CDCA8: variants seen among roughly 807,000 people sequenced by gnomAD.
CDCA8 encodes the protein cell division cycle associated 8.
A neutral mutation model predicts 40.0 loss-of-function variants in CDCA8; 25 were observed. The ratio of observed to expected loss-of-function variants is 0.63; its 90% CI spans 0.46 to 0.87. The LOEUF (loss-of-function observed/expected upper bound fraction) is 0.87. CDCA8 is among the 40% of genes least tolerant of loss of function. CDCA8 has a pLI of 0.00. For synonymous variants in CDCA8, 111 were observed against 126.5 expected, an observed-to-expected ratio of 0.88 and a Z score of 0.82; for missense variants, 280 against 348.4, an observed-to-expected ratio of 0.80 and a Z score of 1.56.
chr1:37,705,789 TTTTG>T (rs1234057062), intron 8 of CDCA8, among the ~76,000 whole-genome samples: 9 of 150,174 alleles, frequency 6.0e-5, no homozygotes, highest in Admixed American at 4.0e-4. Context: ...TGTTTTTTGG[TTTTG>T]TTTTTGTTTT....
rs751835840 is a variant in CDCA8 at position 37,705,447 on chromosome 1, C to G, written c.591C>G (p.Phe197Leu). 10 of 1,613,884 alleles carry G rather than the reference C, an allele frequency of 6.2e-6. No homozygotes were observed. The highest frequency in any genetic ancestry group is 6.8e-6 in the Non-Finnish European group (8 of 1,179,814). ...GLTPRFDSRV[F>L]KTPGLRTPAA... The stretch of plus-strand genomic sequence containing the variant: ...AGAGATTTTCCCATTCTAGGGTCTT[C>G]AAGACCCCTGGCCTGCGTACTCCAG... Residue 197 changes from phenylalanine (F) to leucine (L), a missense_variant, in exon 8 of 10, where the codon TTC becomes TTG. Coordinates refer to ENST00000373055, the MANE Select transcript of CDCA8 (RefSeq NM_001256875.2).
Position 37,698,931 on chromosome 1 carries a change from C to CA in CDCA8, c.294dup (p.Leu99ThrfsTer23). 1 of 1,613,804 alleles carries CA rather than the reference C, an allele frequency of 6.2e-7. No individual in the cohort carries two copies. The highest frequency in any genetic ancestry group is 8.5e-7 in the Non-Finnish European group (1 of 1,179,704). On this transcript the variant is annotated frameshift_variant, in exon 4 of 10. Transcript: ENST00000373055. LOFTEE classifies it high-confidence loss of function. ...CTGACCTGGATATCACCGAAATAAA[C>CA]AAACTAACAGCAGAAGCTATTCAGA...
chr1:37,702,364 A>G (rs1645571284), intron 6 of CDCA8, among the ~76,000 whole-genome samples: 1 of 151,810 alleles, frequency 6.6e-6, no homozygotes, highest in African/African-American at 2.4e-5. Flanking sequence ...CCATATGTAG[A>G]GCTACCCCAT....
chr1:37,704,636 CTTTTTTTTTT>C (rs145718694), intron 7 of CDCA8, among the ~76,000 whole-genome samples: 5 of 86,456 alleles, frequency 5.8e-5, no homozygotes, highest in Non-Finnish European at 8.5e-5. Flanking sequence ...TTAATTGCCA[CTTTTTTTTTT>C]TTTTTTTTTT....
rs867360547 is a variant in CDCA8 at position 37,707,191 on chromosome 1, C to T, written c.798+127C>T. Reference sequence around the variant, plus strand: ...TTAAATTTGTGTTGTCTTCCTTCCCCCAAGAGATTTTGACTCTTACCCTAC... The same window carrying T: ...TTAAATTTGTGTTGTCTTCCTTCCCTCAAGAGATTTTGACTCTTACCCTAC... On this transcript the variant is annotated intron_variant, in intron 9 of 9. Transcript: ENST00000373055. 1.9e-5 allele frequency: 13 copies of T among 680,262 alleles called. No individual in the cohort carries two copies. In the Middle Eastern group the frequency reaches 1.6e-3, roughly 83 times the overall value. 42.1% of individuals were successfully genotyped at this position (680,262 alleles called of 1,614,324 possible). A position where few individuals can be genotyped will look rare whatever the true frequency, so the allele number is the denominator to read the frequency against.
intron 7 of CDCA8, among the ~76,000 whole-genome samples, chr1:37,704,155 G>A (rs944325805): frequency 2.0e-5 from 3 of 151,826 alleles, no homozygotes; most frequent in African/African-American, 7.3e-5. Flanking sequence ...GGCTGGTCTC[G>A]AACTCCTGAG....
At chr1:37,708,193 A>G in intron 9 of CDCA8, 129 bp from the exon 10 acceptor site, 1 of 768,552 alleles carries the variant, frequency 1.3e-6, no homozygotes, top group South Asian at 1.5e-5. Context: ...GATGAGAAAC[A>G]GGTTCAGAAA....
intron 3 of CDCA8, among the ~76,000 whole-genome samples, chr1:37,697,094 C>T (rs1471528273): frequency 6.6e-6 from 1 of 152,158 alleles, no homozygotes; most frequent in Non-Finnish European, 1.5e-5. Flanking sequence ...GTTACCACAC[C>T]AAGTTGAGAG....
rs1645472619 is a variant in CDCA8, at chr1:37,692,574, C to A, written c.-117C>A. 2 of 783,186 alleles carry A rather than the reference C, an allele frequency of 2.6e-6. No individual in the cohort carries two copies. The highest frequency in any genetic ancestry group is 1.5e-5 in the South Asian group (1 of 66,336). 48.5% of individuals were successfully genotyped at this position (783,186 alleles called of 1,614,324 possible). On this transcript the variant is annotated 5_prime_UTR_variant, in exon 1 of 10. Transcript: ENST00000373055. ...TTTTGCTCAGCCCTTGTCTCGGGAC[C>A]GCAGGTACGTGCCTGGCGACTTCTT...
chr1:37,697,699 T>C (rs1167699760), intron 3 of CDCA8, among the ~76,000 whole-genome samples: 1 of 152,248 alleles, frequency 6.6e-6, no homozygotes, highest in East Asian at 1.9e-4. Context: ...CTGTTAACTG[T>C]CCTGCACAGT....
At chr1:37,695,237 A>G (rs1245811362) in intron 2 of CDCA8, among the ~76,000 whole-genome samples, 2 of 151,890 alleles carry the variant, frequency 1.3e-5, no homozygotes, top group Non-Finnish European at 2.9e-5. Flanking sequence ...AAAAATAAGC[A>G]GAGGGCAGGG....
At position 37,703,491 on chromosome 1, in the gene CDCA8, G is replaced by A. The variant is rs183423481; in HGVS notation, c.584+144G>A. 2.9e-3 allele frequency: 1,938 copies of A among 669,880 alleles called. 24 individuals are homozygous for A. The African/African-American group carries it at 0.03, about 10-fold the overall frequency. The allele number at this position is 669,880 out of a possible 1,614,324, so 41.5% of individuals were successfully genotyped here. A position where few individuals can be genotyped will look rare whatever the true frequency, so the allele number is the denominator to read the frequency against. On this transcript the variant is annotated intron_variant, in intron 7 of 9. Coordinates refer to ENST00000373055, the MANE Select transcript of CDCA8 (RefSeq NM_001256875.2). The stretch of plus-strand genomic sequence containing the variant: ...AGCACTTTGAGAGGCCGAGGCAGGC[G>A]GATCACTTGAGGTCAGGAGTTCAAG...
At chr1:37,697,722 G>T (rs745923814) in intron 3 of CDCA8, among the ~76,000 whole-genome samples, 4 of 152,228 alleles carry the variant, frequency 2.6e-5, no homozygotes, top group Non-Finnish European at 4.4e-5. Context: ...ATGCCCAGTG[G>T]CCTGCCACCA....
At position 37,698,931 on chromosome 1, in the gene CDCA8, C is replaced by A; in HGVS notation, c.291C>A (p.Asn97Lys). The A allele has an allele frequency of 6.2e-7, 1 of 1,613,804 alleles. No homozygotes were observed. Among genetic ancestry groups the A allele is most frequent in the Non-Finnish European group, 8.5e-7 (1 of 1,179,704 alleles). ...CTGACCTGGATATCACCGAAATAAACAAACTAACAGCAGAAGCTATTCAGA... is the reference window on the plus strand; with the variant it reads ...CTGACCTGGATATCACCGAAATAAAAAAACTAACAGCAGAAGCTATTCAGA... ...ATADLDITEI[N>K]KLTAEAIQTP... is the part of the protein sequence containing the mutation. The change falls in exon 4 of 10, where the codon AAC (asparagine) becomes AAA (lysine). Residue 97 changes from asparagine to lysine, a missense_variant. Transcript: ENST00000373055.
chr1:37,695,815 C>A, intron 2 of CDCA8, 95 bp from the exon 3 acceptor site: 1 of 1,104,302 alleles, frequency 9.1e-7, no homozygotes, highest in Non-Finnish European at 1.3e-6. Context: ...AAGGTTAGAC[C>A]AAGGGCTGGA....
At chr1:37,701,855 T>C (rs1238452306) in intron 6 of CDCA8, 37 bp downstream of exon 6, 2 of 1,494,138 alleles carry the variant, frequency 1.3e-6, no homozygotes, top group Non-Finnish European at 1.9e-6. Flanking sequence ...TTTTGGGTTT[T>C]ATTGGAGAGC....
chr1:37,694,962 C>A (rs550729925), intron 2 of CDCA8, among the ~76,000 whole-genome samples: 1 of 152,280 alleles, frequency 6.6e-6, no homozygotes, highest in East Asian at 1.9e-4. Flanking sequence ...GGAATTCAGT[C>A]CAAGGCAGGG....
Position 37,707,162 on chromosome 1 carries a change from C to CT in CDCA8, c.798+99dup. 3.5e-6 allele frequency: 3 copies of CT among 853,090 alleles called. No individual in the cohort carries two copies. In the South Asian group the frequency reaches 4.7e-5, roughly 13 times the overall value. 52.8% of individuals were successfully genotyped at this position (853,090 alleles called of 1,614,324 possible). A position where few individuals can be genotyped will look rare whatever the true frequency, so the allele number is the denominator to read the frequency against. ...TCTTTTGGGCCTGGGCTAATACTTTCTACTTAAATTTGTGTTGTCTTCCTT... is the reference window on the plus strand; with the variant it reads ...TCTTTTGGGCCTGGGCTAATACTTTCTTACTTAAATTTGTGTTGTCTTCCTT... On this transcript the variant is annotated intron_variant, in intron 9 of 9. Coordinates refer to ENST00000373055, the MANE Select transcript of CDCA8 (RefSeq NM_001256875.2).
chr1:37,705,590 C>G, intron 8 of CDCA8, 23 bp downstream of exon 8: 1 of 1,610,976 alleles, frequency 6.2e-7, no homozygotes, highest in Non-Finnish European at 8.5e-7. Flanking sequence ...CAAGGGAAGC[C>G]AGGCCACAGT....
Sources: allele counts gnomAD v4.1 joint callset (sites outside exome capture counted in the v4.1 genomes callset), GRCh38; gene constraint gnomAD v4.1.1; transcripts MANE v1.5; gene names NCBI Gene and HGNC (gene_info 2026-07-23, HGNC 2026-07-21).